B3GALNT1: variants seen among roughly 807,000 people sequenced by gnomAD.
The protein encoded by B3GALNT1 is beta-1,3-N-acetylgalactosaminyltransferase 1 (Globoside blood group).
In B3GALNT1, 17 loss-of-function variants were observed where a neutral mutation model predicts 27.3. That is an observed-to-expected ratio of 0.62 (90% CI 0.43 to 0.94). The LOEUF (loss-of-function observed/expected upper bound fraction) is 0.94. Ranked by LOEUF, B3GALNT1 falls within the 40% of genes least tolerant of loss-of-function variation. The pLI, the probability that B3GALNT1 is intolerant of heterozygous loss-of-function variation, is 0.00. For missense variants in B3GALNT1, 347 were observed against 390.0 expected (o/e 0.89, Z 0.93); for synonymous variants, 141 against 144.0 (o/e 0.98, Z 0.15).
intron 4 of B3GALNT1, among the ~76,000 whole-genome samples, chr3:161,098,247 G>A (rs1158495451): frequency 6.6e-6 from 1 of 152,162 alleles, no homozygotes; most frequent in African/African-American, 2.4e-5. Flanking sequence ...GTCAGAGCCT[G>A]CAAAGCAGCA....
intron 4 of B3GALNT1, among the ~76,000 whole-genome samples, chr3:161,096,804 A>G (rs902822348): frequency 2.6e-5 from 4 of 152,162 alleles, no homozygotes; most frequent in Non-Finnish European, 5.9e-5. Flanking sequence ...TCTTTAACCC[A>G]GTGGTTCTCA....
intron 4 of B3GALNT1, among the ~76,000 whole-genome samples, chr3:161,100,215 T>C (rs1730480716): frequency 6.6e-6 from 1 of 152,240 alleles, no homozygotes; most frequent in Admixed American, 6.5e-5. Flanking sequence ...ATGTAGTTCA[T>C]AGAAAAGGTT....
At chr3:161,104,882 G>C (rs1733480333) in intron 1 of B3GALNT1, 3 of 153,386 alleles carry the variant, frequency 2.0e-5, no homozygotes, top group African/African-American at 7.2e-5. Flanking sequence ...GCGACGCAAG[G>C]CAGGTATTGC....
chr3:161,085,257 G>A lies in B3GALNT1; in HGVS notation c.*502C>T, dbSNP rs34244438. 0.017 allele frequency: 2,601 copies of A among 152,954 alleles called. 63 individuals carry two copies. The highest frequency in any genetic ancestry group is 0.058 in the African/African-American group (2,417 of 41,538). 9.5% of individuals were successfully genotyped at this position (152,954 alleles called of 1,614,324 possible). A position where few individuals can be genotyped will look rare whatever the true frequency, so the allele number is the denominator to read the frequency against. ...TAACTGTGAAATACTGCAACATCTT[G>A]AAGTACTTTATAAATGACCAAAAAC... On this transcript the variant is annotated 3_prime_UTR_variant, in exon 5 of 5. Transcript: ENST00000320474.
At chr3:161,087,807 T>C (rs1181249671) in intron 4 of B3GALNT1, among the ~76,000 whole-genome samples, 1 of 152,216 alleles carries the variant, frequency 6.6e-6, no homozygotes, top group African/African-American at 2.4e-5. Flanking sequence ...GTATATTTAC[T>C]GGACATCTGC....
intron 4 of B3GALNT1, among the ~76,000 whole-genome samples, chr3:161,091,054 G>A (rs1331293847): frequency 6.6e-6 from 1 of 152,026 alleles, no homozygotes; most frequent in Non-Finnish European, 1.5e-5. Context: ...GATCACTTGA[G>A]ACCAGGAGTT....
intron 4 of B3GALNT1, among the ~76,000 whole-genome samples, chr3:161,088,381 G>T (rs527951817): frequency 6.6e-6 from 1 of 152,100 alleles, no homozygotes; most frequent in Non-Finnish European, 1.5e-5. Context: ...GACCTTGTTG[G>T]CAAAAACAAT....
chr3:161,101,349 CG>C (rs1731165119), intron 3 of B3GALNT1, 116 bp from the exon 4 acceptor site: 1 of 496,520 alleles, frequency 2.0e-6, no homozygotes. Flanking sequence ...GGAAGAGTAT[CG>C]GGGAGCTGCT....
chr3:161,086,136 A>G lies in B3GALNT1; in HGVS notation c.619T>C (p.Tyr207His). The change falls in exon 5 of 5, where the codon TAT becomes CAT. Residue 207 changes from tyrosine to histidine, a missense_variant. By Grantham distance (83) the Tyr-to-His change is moderately conservative. Transcript: ENST00000320474. ...TAGGAATAATTATCAATTAGAGGAT[A>G]ACCTGTGAAAAACTTCTCTGAGTGG... Reference protein sequence around the residue: ...LNHSEKFFTGYPLIDNYSYRG... With the variant: ...LNHSEKFFTGHPLIDNYSYRG... The G allele has an allele frequency of 6.2e-7, 1 of 1,611,838 alleles. No homozygotes were observed. The highest frequency in any genetic ancestry group is 8.5e-7 in the Non-Finnish European group (1 of 1,178,910).
At position 161,086,790 on chromosome 3, in the gene B3GALNT1, T is replaced by C; in HGVS notation, c.-34-2A>G. ...TCAGAAGCACGCGAGCCGAAGGTTCTGGAAGAGTTATCAAAGATTGGGTTA... is the reference window on the plus strand; with the variant it reads ...TCAGAAGCACGCGAGCCGAAGGTTCCGGAAGAGTTATCAAAGATTGGGTTA... On this transcript the variant is annotated splice_acceptor_variant, in intron 4 of 4. Transcript: ENST00000320474. LOFTEE classifies it low-confidence loss of function (5UTR_SPLICE). 6.2e-7 allele frequency: 1 copy of C among 1,611,256 alleles called. No homozygotes were observed. The highest frequency in any genetic ancestry group is 2.2e-5 in the East Asian group (1 of 44,818).
chr3:161,095,914 AC>A (rs1559995705), intron 4 of B3GALNT1, among the ~76,000 whole-genome samples: 1 of 152,220 alleles, frequency 6.6e-6, no homozygotes, highest in African/African-American at 2.4e-5. Flanking sequence ...CTCCCCTCGG[AC>A]CTCAACTGGG....
At chr3:161,092,510 T>TA (rs1251986584) in intron 4 of B3GALNT1, among the ~76,000 whole-genome samples, 1 of 152,052 alleles carries the variant, frequency 6.6e-6, no homozygotes, top group African/African-American at 2.4e-5. Context: ...AACATGTGGT[T>TA]AAAGGGGGAA....
At chr3:161,094,183 C>G (rs1318799576) in intron 4 of B3GALNT1, among the ~76,000 whole-genome samples, 2 of 152,162 alleles carry the variant, frequency 1.3e-5, no homozygotes, top group African/African-American at 2.4e-5. Context: ...GCTTCCTATG[C>G]TAAGGAGCTC....
intron 4 of B3GALNT1, among the ~76,000 whole-genome samples, chr3:161,099,581 T>C (rs139415951): frequency 1.3e-5 from 2 of 152,226 alleles, no homozygotes; most frequent in Admixed American, 6.5e-5. Flanking sequence ...GCCAAGTCAT[T>C]GAATTTGAGG....
At chr3:161,097,433 G>GT (rs1345315769) in intron 4 of B3GALNT1, among the ~76,000 whole-genome samples, 1 of 152,148 alleles carries the variant, frequency 6.6e-6, no homozygotes, top group Non-Finnish European at 1.5e-5. Flanking sequence ...GACATGCTCT[G>GT]TAATACAATT....
chr3:161,086,852 T>TGACTATC, intron 4 of B3GALNT1, 64 bp from the exon 5 acceptor site: 1 of 1,485,210 alleles, frequency 6.7e-7, no homozygotes, highest in Non-Finnish European at 9.2e-7. Flanking sequence ...AAAAGACATC[T>TGACTATC]GACTATCTAC....
chr3:161,092,251 C>A (rs750419772), intron 4 of B3GALNT1, among the ~76,000 whole-genome samples: 1 of 152,192 alleles, frequency 6.6e-6, no homozygotes, highest in Non-Finnish European at 1.5e-5. Context: ...GTATGTCTTC[C>A]AATGGAATCC....
chr3:161,088,508 C>T (rs1191922085), intron 4 of B3GALNT1, among the ~76,000 whole-genome samples: 1 of 152,180 alleles, frequency 6.6e-6, no homozygotes, highest in Non-Finnish European at 1.5e-5. Flanking sequence ...GATCTGTCCA[C>T]CCACCTCCTA....
intron 4 of B3GALNT1, among the ~76,000 whole-genome samples, chr3:161,099,902 CAT>C (rs1249986969): frequency 6.6e-6 from 1 of 152,096 alleles, no homozygotes; most frequent in Non-Finnish European, 1.5e-5. Context: ...TCCATAGCCC[CAT>C]ATGAGTTCCA....
Sources: gnomAD v4.1 joint callset for allele counts (sites outside exome capture counted in the v4.1 genomes callset) on GRCh38, gnomAD v4.1.1 for gene constraint, MANE v1.5 for transcripts, NCBI Gene and HGNC (gene_info 2026-07-23, HGNC 2026-07-21) for gene names.